TRIP11: variants seen among roughly 807,000 people sequenced by gnomAD.
The protein encoded by TRIP11 is thyroid hormone receptor interactor 11, also known as thyroid receptor-interacting protein 11.
In TRIP11, 148 loss-of-function variants were observed where a neutral mutation model predicts 223.1. That is an observed-to-expected ratio of 0.66 (90% CI 0.58 to 0.76). The LOEUF (loss-of-function observed/expected upper bound fraction) is 0.76. Ranked by LOEUF, TRIP11 falls within the 30% of genes least tolerant of loss-of-function variation. TRIP11 has a pLI of 0.00. For missense variants in TRIP11, 2,043 were observed against 2,222.0 expected (o/e 0.92, Z 1.62); for synonymous variants, 762 against 772.6 (o/e 0.99, Z 0.23).
chr14:91,978,936 A>G lies in TRIP11; in HGVS notation c.5261-2747T>C, dbSNP rs1311616846. 6.6e-6 allele frequency among the ~76,000 whole-genome samples: 1 copy of G among 152,194 alleles called. No homozygotes were observed. The highest frequency in any genetic ancestry group is 2.4e-5 in the African/African-American group (1 of 41,452). On this transcript the variant is annotated intron_variant, in intron 16 of 20. Coordinates refer to ENST00000267622, the MANE Select transcript of TRIP11 (RefSeq NM_004239.4). The surrounding 1 kb of genome is among the most constrained non-coding windows in gnomAD (Gnocchi z 4.4). ...ACTGCTTTTAGAACATAACCAGGATATAACACTACTCTATACTATCTCTTA... is the reference window on the plus strand; with the variant it reads ...ACTGCTTTTAGAACATAACCAGGATGTAACACTACTCTATACTATCTCTTA...
In TRIP11 at chr14:91,969,529, G is replaced by C; in HGVS notation, c.*144C>G. ...ACACCTGCAGTTTCTAAAAGCATTAGGAATATTTTTATTAAATTCAGAGAA... is the reference window on the plus strand; with the variant it reads ...ACACCTGCAGTTTCTAAAAGCATTACGAATATTTTTATTAAATTCAGAGAA... On this transcript the variant is annotated 3_prime_UTR_variant, in exon 21 of 21. Transcript: ENST00000267622. 1.2e-6 allele frequency: 1 copy of C among 834,360 alleles called. No individual in the cohort carries two copies. Among genetic ancestry groups the C allele is most frequent in the Non-Finnish European group, 2.0e-6 (1 of 498,862 alleles). The allele number at this position is 834,360 out of a possible 1,614,324, so 51.7% of individuals were successfully genotyped here.
intron 6 of TRIP11, 131 bp from the exon 7 acceptor site, chr14:92,014,708 C>A: frequency 1.1e-6 from 1 of 930,520 alleles, no homozygotes; most frequent in Non-Finnish European, 1.5e-6. Context: ...CTATAATAAA[C>A]TAAGTGTTTT....
intron 2 of TRIP11, chr14:92,026,734 G>C: frequency 9.6e-7 from 1 of 1,040,884 alleles, no homozygotes; most frequent in South Asian, 1.3e-5. Context: ...AGAAGGTGGG[G>C]AGGAAGAGGA....
intron 11 of TRIP11, among the ~76,000 whole-genome samples, chr14:92,002,514 ATTATT>A (rs1465596690): frequency 2.6e-5 from 4 of 151,984 alleles, no homozygotes; most frequent in Admixed American, 6.6e-5. Context: ...ACATTTTCTT[ATTATT>A]TTAAAAAAAT....
chr14:92,005,113 T>C lies in TRIP11; in HGVS notation c.2863A>G (p.Thr955Ala), dbSNP rs2056881730. ...YQHEQMNATH[T>A]QLFLEKDEEI... is the part of the protein sequence containing the mutation. ...TCATCCTTCTCTAAAAAGAGCTGGG[T>C]GTGTGTGGCGTTCATTTGCTCATGC... The change falls in exon 11 of 21, where the codon ACC becomes GCC. Residue 955 changes from threonine to alanine, a missense_variant. By Grantham distance (58) the Thr-to-Ala change is moderately conservative. Transcript: ENST00000267622. The C allele has an allele frequency of 3.1e-6, 5 of 1,613,652 alleles. No homozygotes were observed. In the East Asian group the frequency reaches 8.9e-5, roughly 29 times the overall value.
At chr14:92,038,426 T>C (rs959944371) in intron 1 of TRIP11, among the ~76,000 whole-genome samples, 5 of 152,198 alleles carry the variant, frequency 3.3e-5, no homozygotes, top group African/African-American at 1.2e-4. Flanking sequence ...CTTTCATTTC[T>C]ATCCCCAAAG....
intron 2 of TRIP11, 92 bp from the exon 3 acceptor site, chr14:92,025,512 C>CA: frequency 2.4e-6 from 2 of 837,154 alleles, no homozygotes; most frequent in Non-Finnish European, 3.8e-6. Flanking sequence ...ACTGCTTTCC[C>CA]CCCCCAAAAA....
At chr14:91,972,650 G>T in intron 20 of TRIP11, 67 bp downstream of exon 20, 1 of 1,504,454 alleles carries the variant, frequency 6.6e-7, no homozygotes, top group Non-Finnish European at 9.0e-7. Context: ...TAATATCACT[G>T]TGAAACATAA....
Position 92,006,144 on chromosome 14 carries a change from T to A in TRIP11, c.1832A>T (p.Glu611Val). Reference sequence around the variant, plus strand: ...CTCCTCCTCATTTTGTCTAATATGCTCCTTAAGTTCTAAATTCTCCTTCTG... The same window carrying A: ...CTCCTCCTCATTTTGTCTAATATGCACCTTAAGTTCTAAATTCTCCTTCTG... ...SIQKENLELKEHIRQNEEELS... is the reference protein window; with the variant it reads ...SIQKENLELKVHIRQNEEELS... Residue 611 changes from glutamate (E) to valine (V), a missense_variant, in exon 11 of 21, where the codon GAG becomes GTG. Coordinates refer to ENST00000267622, the MANE Select transcript of TRIP11 (RefSeq NM_004239.4). 6.2e-7 allele frequency: 1 copy of A among 1,612,648 alleles called. No homozygotes were observed. The highest frequency in any genetic ancestry group is 8.5e-7 in the Non-Finnish European group (1 of 1,179,702).
At chr14:91,995,175 C>T (rs753174923) in intron 14 of TRIP11, among the ~76,000 whole-genome samples, 177 bp downstream of exon 14, 4 of 152,124 alleles carry the variant, frequency 2.6e-5, no homozygotes, top group Non-Finnish European at 4.4e-5. Context: ...TTTATTTTCT[C>T]GTCTTAATTG....
chr14:92,033,075 CAAG>C lies in TRIP11; in HGVS notation c.201+114_201+116del, dbSNP rs1461506667. On this transcript the variant is annotated intron_variant, in intron 2 of 20. Coordinates refer to ENST00000267622, the MANE Select transcript of TRIP11 (RefSeq NM_004239.4). ...AGCTCAAAAAACAATCAAAATTAAACAAGAAGAGAAAAAAAGTGCTAAGCAGTA... is the reference window on the plus strand; with the variant it reads ...AGCTCAAAAAACAATCAAAATTAAACAAGAGAAAAAAAGTGCTAAGCAGTA... 1.2e-5 allele frequency: 9 copies of C among 760,094 alleles called. 1 individual carries two copies. The highest frequency in any genetic ancestry group is 2.0e-5 in the Non-Finnish European group (9 of 444,346). 47.1% of individuals were successfully genotyped at this position (760,094 alleles called of 1,614,324 possible).
Position 91,995,412 on chromosome 14 carries a change from C to T in TRIP11, c.4996G>A (p.Val1666Ile). Residue 1666 changes from valine (V) to isoleucine (I), a missense_variant, in exon 14 of 21, where the codon GTA (valine) becomes ATA (isoleucine). Physicochemically the swap from Val to Ile is conservative, Grantham distance 29 (BLOSUM62 3). Transcript: ENST00000267622. The part of the protein sequence containing the change: ...ALQLSVSQEQ[V>I]KQYALSLANL... ...GCCAGTGACAGAGCATACTGCTTTA[C>T]TTGTTCCTGAGAGACAGAAAGCTGC... is the stretch of plus-strand genomic sequence containing the variant. 6.2e-7 allele frequency: 1 copy of T among 1,614,108 alleles called. No individual in the cohort carries two copies. The highest frequency in any genetic ancestry group is 8.5e-7 in the Non-Finnish European group (1 of 1,180,008).
In TRIP11 at chr14:92,015,758, T is replaced by C; in HGVS notation, c.761A>G (p.His254Arg). ...TTCATAGTCACTTAATTCTTCTCGA[T>C]GTCGTCGACTTATTTCTGTCAATTT... ...QQKLTEISRR[H>R]REELSDYEER... Residue 254 changes from histidine (H) to arginine (R), a missense_variant, in exon 6 of 21, where the codon CAT (histidine) becomes CGT (arginine). By Grantham distance (29) the His-to-Arg change is conservative (BLOSUM62 0). Transcript: ENST00000267622. 4 of 1,613,580 alleles carry C rather than the reference T, an allele frequency of 2.5e-6. No homozygotes were observed. Among genetic ancestry groups the C allele is most frequent in the Non-Finnish European group, 3.4e-6 (4 of 1,179,800 alleles).
In TRIP11 at chr14:91,983,444, A is replaced by G. The variant is rs142253371; in HGVS notation, c.5260+4840T>C. 2.2e-4 allele frequency among the ~76,000 whole-genome samples: 34 copies of G among 152,378 alleles called. No individual in the cohort carries two copies. The East Asian group carries it at 6.4e-3, about 28-fold the overall frequency. ...TGAACTCATCCATACATAAAGAAAT[A>G]AGGGCAAGGACACAAAACACATTAA... On this transcript the variant is annotated intron_variant, in intron 16 of 20. Coordinates refer to ENST00000267622, the MANE Select transcript of TRIP11 (RefSeq NM_004239.4).
chr14:92,016,294 T>C (rs556179237), intron 5 of TRIP11, among the ~76,000 whole-genome samples: 15 of 152,282 alleles, frequency 9.9e-5, no homozygotes, highest in African/African-American at 3.4e-4. Context: ...ACTGTCAACC[T>C]GGCGCCTTCC....
At position 91,988,260 on chromosome 14, in the gene TRIP11, A is replaced by G. The variant is rs2273182; in HGVS notation, c.5260+24T>C. 506,777 of 1,572,902 alleles carry G rather than the reference A, an allele frequency of 0.32. 82,921 individuals are homozygous for G. The highest frequency in any genetic ancestry group is 0.37 in the East Asian group (16,529 of 44,498). On this transcript the variant is annotated intron_variant, in intron 16 of 20. Coordinates refer to ENST00000267622, the MANE Select transcript of TRIP11 (RefSeq NM_004239.4). ...TTTAATATCAGTATTGTAGTGGGGGAAAAATGAAAAGAAAAAAACCTACTT... is the reference window on the plus strand; with the variant it reads ...TTTAATATCAGTATTGTAGTGGGGGGAAAATGAAAAGAAAAAAACCTACTT...
At chr14:92,028,823 G>A (rs1429493352) in intron 2 of TRIP11, among the ~76,000 whole-genome samples, 1 of 152,118 alleles carries the variant, frequency 6.6e-6, no homozygotes, top group Non-Finnish European at 1.5e-5. Flanking sequence ...GAAATCCATA[G>A]GACACTCACA....
chr14:91,985,119 G>A (rs1288688204), intron 16 of TRIP11, among the ~76,000 whole-genome samples: 2 of 152,254 alleles, frequency 1.3e-5, no homozygotes, highest in East Asian at 1.9e-4. Flanking sequence ...TTTTCTCCAT[G>A]GAATGCTGCC....
At chr14:92,010,912 G>T in intron 9 of TRIP11, 74 bp downstream of exon 9, 1 of 1,311,292 alleles carries the variant, frequency 7.6e-7, no homozygotes, top group Non-Finnish European at 1.1e-6. Flanking sequence ...ATTCCATTTG[G>T]ATATCAACTG....
Sources: allele counts gnomAD v4.1 joint callset (sites outside exome capture counted in the v4.1 genomes callset), GRCh38; gene constraint gnomAD v4.1.1; non-coding constraint Gnocchi (gnomAD v3.1); transcripts MANE v1.5; gene names NCBI Gene and HGNC (gene_info 2026-07-23, HGNC 2026-07-21).